CLEC16A: variants seen among roughly 807,000 people sequenced by gnomAD.
CLEC16A encodes protein CLEC16A.
In CLEC16A, 51 loss-of-function variants were observed where a neutral mutation model predicts 109.5. The observed-to-expected ratio is 0.47, with a 90% confidence interval of 0.37 to 0.59. The LOEUF is 0.59. Ranked by LOEUF, CLEC16A falls within the 20% of genes least tolerant of loss-of-function variation. CLEC16A has a pLI of 0.00. For missense variants in CLEC16A, 1,339 were observed against 1,394.0 expected (o/e 0.96, Z 0.63); for synonymous variants, 673 against 564.2 (o/e 1.19, Z -2.73).
chr16:11,040,109 A>G (rs969382672), intron 14 of CLEC16A: 1 of 483,342 alleles, frequency 2.1e-6, no homozygotes, highest in Non-Finnish European at 3.6e-6. Context: ...CTTGGTAACC[A>G]TCTTTCTTCT....
chr16:11,083,575 C>T (rs1362103184), intron 19 of CLEC16A, among the ~76,000 whole-genome samples: 1 of 152,228 alleles, frequency 6.6e-6, no homozygotes, highest in South Asian at 2.1e-4. Context: ...CCCTCGGTCT[C>T]CTCCGAAGCT....
At chr16:11,138,566 C>G (rs1181493558) in intron 22 of CLEC16A, among the ~76,000 whole-genome samples, 1 of 152,212 alleles carries the variant, frequency 6.6e-6, no homozygotes, top group Non-Finnish European at 1.5e-5. Context: ...TCACTGCATG[C>G]TCACAGCTGT....
chr16:11,100,135 C>G (rs1386448524), intron 19 of CLEC16A, among the ~76,000 whole-genome samples: 1 of 152,156 alleles, frequency 6.6e-6, no homozygotes, highest in African/African-American at 2.4e-5. Flanking sequence ...CTTCCTAGCT[C>G]TGAACTTGCC....
At chr16:11,036,730 G>GT (rs1182668170) in intron 13 of CLEC16A, among the ~76,000 whole-genome samples, 1 of 151,904 alleles carries the variant, frequency 6.6e-6, no homozygotes, top group Admixed American at 6.6e-5. Flanking sequence ...TGTATTTTTA[G>GT]TAGAGACGGG....
At chr16:11,032,817 G>A (rs958335918) in intron 13 of CLEC16A, among the ~76,000 whole-genome samples, 2 of 152,252 alleles carry the variant, frequency 1.3e-5, no homozygotes, top group African/African-American at 4.8e-5. Context: ...AGGCTGGCCA[G>A]GCGGGCAGGG....
intron 22 of CLEC16A, among the ~76,000 whole-genome samples, chr16:11,161,981 G>A (rs761348486): frequency 1.3e-5 from 2 of 152,192 alleles, no homozygotes; most frequent in Admixed American, 6.5e-5. Flanking sequence ...AGAGGAGGAG[G>A]GGGGCATGTC....
intron 19 of CLEC16A, among the ~76,000 whole-genome samples, chr16:11,085,397 C>A (rs2049957244): frequency 6.6e-6 from 1 of 152,270 alleles, no homozygotes; most frequent in Non-Finnish European, 1.5e-5. Context: ...GGTGCTGGGG[C>A]AGCACGCTGG....
chr16:10,978,711 C>A (rs2043154824), intron 8 of CLEC16A, among the ~76,000 whole-genome samples: 1 of 152,186 alleles, frequency 6.6e-6, no homozygotes, highest in Non-Finnish European at 1.5e-5. Context: ...TTAGCTTTAC[C>A]AGAGGCAGCT....
chr16:10,971,378 A>G, intron 5 of CLEC16A, 148 bp downstream of exon 5: 1 of 815,104 alleles, frequency 1.2e-6, no homozygotes, highest in East Asian at 2.9e-5. Context: ...AAAACTTGGA[A>G]TCCCCTAGCA....
intron 1 of CLEC16A, among the ~76,000 whole-genome samples, chr16:10,957,373 CCACTTG>C (rs1409573874): frequency 6.6e-6 from 1 of 152,236 alleles, no homozygotes; most frequent in African/African-American, 2.4e-5. Flanking sequence ...CTGTATGTCC[CCACTTG>C]CTCTGAAGGC....
intron 11 of CLEC16A, among the ~76,000 whole-genome samples, chr16:11,007,788 G>A (rs2045121295): frequency 1.3e-5 from 2 of 152,192 alleles, no homozygotes; most frequent in Admixed American, 1.3e-4. Context: ...GTGAGTATGT[G>A]TGTGAGAGTG....
intron 19 of CLEC16A, among the ~76,000 whole-genome samples, chr16:11,080,312 A>G (rs1488212288): frequency 1.3e-5 from 2 of 152,126 alleles, no homozygotes; most frequent in Admixed American, 1.3e-4. Flanking sequence ...CAAGAAGAAT[A>G]CAGAGTAGTT....
At chr16:11,106,651 CTCT>C (rs1174741696) in intron 19 of CLEC16A, among the ~76,000 whole-genome samples, 5 of 151,512 alleles carry the variant, frequency 3.3e-5, no homozygotes, top group Non-Finnish European at 7.4e-5. Context: ...CACCTGGCTT[CTCT>C]TCTTTTTTTT....
At chr16:11,070,350 G>A (rs1471955794) in intron 19 of CLEC16A, among the ~76,000 whole-genome samples, 3 of 151,556 alleles carry the variant, frequency 2.0e-5, no homozygotes, top group African/African-American at 4.8e-5. Context: ...GATTACAGGC[G>A]TGAGCCACTG....
At chr16:10,991,447 A>G (rs1368078594) in intron 10 of CLEC16A, among the ~76,000 whole-genome samples, 3 of 146,378 alleles carry the variant, frequency 2.0e-5, no homozygotes, top group Non-Finnish European at 4.5e-5. Context: ...AAAAAAAAAA[A>G]GAACAGCCAG....
chr16:11,123,603 C>G (rs1164469707), intron 20 of CLEC16A, 139 bp from the exon 21 acceptor site: 2 of 789,606 alleles, frequency 2.5e-6, no homozygotes, highest in Non-Finnish European at 4.1e-6. Flanking sequence ...CTCTGTTGGA[C>G]TTGGGAGGCT....
intron 4 of CLEC16A, 137 bp from the exon 5 acceptor site, chr16:10,970,988 T>G (rs1392874198): frequency 1.1e-5 from 7 of 625,082 alleles, no homozygotes; most frequent in Non-Finnish European, 2.0e-5. Context: ...AACCACTGAC[T>G]TACGGTTCAC....
intron 19 of CLEC16A, among the ~76,000 whole-genome samples, chr16:11,086,065 G>A (rs148018533): frequency 6.6e-6 from 1 of 152,360 alleles, no homozygotes; most frequent in Non-Finnish European, 1.5e-5. Flanking sequence ...TGTGTGGAGC[G>A]CAGAGCCACT....
chr16:11,067,564 G>A (rs2048842053), intron 19 of CLEC16A, among the ~76,000 whole-genome samples: 1 of 152,172 alleles, frequency 6.6e-6, no homozygotes, highest in South Asian at 2.1e-4. Flanking sequence ...TGGGTAGGAA[G>A]CCATGCAGGC....
Sources: gnomAD v4.1 joint callset for allele counts (sites outside exome capture counted in the v4.1 genomes callset) on GRCh38, gnomAD v4.1.1 for gene constraint, MANE v1.5 for transcripts, NCBI Gene and HGNC (gene_info 2026-07-23, HGNC 2026-07-21) for gene names.